The following CCSER1 variants were observed in gnomAD, a reference collection of about 807,000 sequenced individuals.
The protein encoded by CCSER1 is coiled-coil serine rich protein 1, also known as serine-rich coiled-coil domain-containing protein 1.
CCSER1 carries 41 observed loss-of-function variants against 82.0 expected under a neutral mutation model. That is an observed-to-expected ratio of 0.50 (90% CI 0.39 to 0.65). CCSER1 has a LOEUF of 0.65. CCSER1 is among the 30% of genes least tolerant of loss of function. CCSER1 has a pLI of 0.00. For missense variants in CCSER1, 1,119 were observed against 1,064.2 expected (o/e 1.05, Z -0.72); for synonymous variants, 414 against 383.9 (o/e 1.08, Z -0.92).
At chr4:91,546,140 A>G (rs980450707) in intron 10 of CCSER1, among the ~76,000 whole-genome samples, 1 of 152,140 alleles carries the variant, frequency 6.6e-6, no homozygotes, top group African/African-American at 2.4e-5. Context: ...ATCCCACTTA[A>G]TATGGTGTAT....
At chr4:91,081,537 A>C (rs1291121278) in intron 9 of CCSER1, among the ~76,000 whole-genome samples, 1 of 152,144 alleles carries the variant, frequency 6.6e-6, no homozygotes, top group African/African-American at 2.4e-5. Context: ...ACTCCTATTC[A>C]ACATAGTGTT....
intron 9 of CCSER1, among the ~76,000 whole-genome samples, chr4:90,934,628 T>A (rs1235373118): frequency 1.3e-5 from 2 of 152,064 alleles, no homozygotes; most frequent in Non-Finnish European, 2.9e-5. Context: ...AAGAAGATGC[T>A]ATTAAAAATT....
intron 10 of CCSER1, among the ~76,000 whole-genome samples, chr4:91,086,810 A>G (rs1723441737): frequency 6.6e-6 from 1 of 152,000 alleles, no homozygotes; most frequent in East Asian, 1.9e-4. Flanking sequence ...TTCCAGTTGC[A>G]TGATTTTAGT....
intron 10 of CCSER1, among the ~76,000 whole-genome samples, chr4:91,545,039 C>T (rs1761814325): frequency 6.6e-6 from 1 of 152,042 alleles, no homozygotes; most frequent in Non-Finnish European, 1.5e-5. Context: ...GGATGCCCCT[C>T]CCCCAGCCTC....
chr4:90,620,069 A>G (rs907015437), intron 5 of CCSER1, among the ~76,000 whole-genome samples: 6 of 152,168 alleles, frequency 3.9e-5, no homozygotes, highest in African/African-American at 1.4e-4. Context: ...ATTTTGGACA[A>G]AGTTAAAAAT....
chr4:90,133,097 T>C (rs1480667067), intron 1 of CCSER1, among the ~76,000 whole-genome samples: 1 of 152,168 alleles, frequency 6.6e-6, no homozygotes, highest in African/African-American at 2.4e-5. Context: ...TGAAAGCCAC[T>C]GACCTAGAGT....
intron 1 of CCSER1, among the ~76,000 whole-genome samples, chr4:90,187,131 G>T (rs993189223): frequency 1.3e-5 from 2 of 151,802 alleles, no homozygotes; most frequent in African/African-American, 4.8e-5. Context: ...ACATGACTCT[G>T]TGAGTATCCA....
chr4:91,559,365 C>T (rs879857572), intron 10 of CCSER1, among the ~76,000 whole-genome samples: 4 of 151,594 alleles, frequency 2.6e-5, no homozygotes, highest in African/African-American at 7.3e-5. Flanking sequence ...TGGCTCCACA[C>T]CTTCAGCTGT....
intron 1 of CCSER1, among the ~76,000 whole-genome samples, chr4:90,136,840 T>C (rs1048022548): frequency 1.3e-5 from 2 of 152,144 alleles, no homozygotes; most frequent in Non-Finnish European, 2.9e-5. Context: ...AAACCATGCA[T>C]ATATCCCAGA....
At chr4:90,395,366 T>C (rs1215552993) in intron 3 of CCSER1, among the ~76,000 whole-genome samples, 2 of 152,258 alleles carry the variant, frequency 1.3e-5, no homozygotes, top group Non-Finnish European at 2.9e-5. Context: ...TAGGCATTTA[T>C]ATTTCTTTTC....
intron 6 of CCSER1, chr4:90,663,873 A>C (rs1323217003): frequency 8.1e-6 from 3 of 369,498 alleles, no homozygotes; most frequent in Admixed American, 8.0e-5. Flanking sequence ...AGTGTTTCCA[A>C]TTCTACAAAT....
chr4:90,328,687 T>C (rs17227797), intron 3 of CCSER1, among the ~76,000 whole-genome samples: 98,717 of 151,910 alleles, frequency 0.65, 33,657 homozygotes, highest in African/African-American at 0.86. Flanking sequence ...GAGACACAGA[T>C]GTTGCCCACT....
At chr4:90,760,866 C>T (rs1246248810) in intron 7 of CCSER1, among the ~76,000 whole-genome samples, 1 of 151,932 alleles carries the variant, frequency 6.6e-6, no homozygotes, top group African/African-American at 2.4e-5. Context: ...TTGGCATATA[C>T]AGGGAGCAAA....
At chr4:90,801,581 T>C (rs1175034166) in intron 7 of CCSER1, among the ~76,000 whole-genome samples, 1 of 152,212 alleles carries the variant, frequency 6.6e-6, no homozygotes, top group Admixed American at 6.5e-5. Flanking sequence ...GAGACAATGC[T>C]ATTTCCTTAT....
At chr4:90,797,993 G>T (rs527941035) in intron 7 of CCSER1, among the ~76,000 whole-genome samples, 44 of 152,186 alleles carry the variant, frequency 2.9e-4, no homozygotes, top group Admixed American at 2.6e-3. Flanking sequence ...GTGGTTCTCT[G>T]CATTTTATGA....
At chr4:91,556,564 C>CA (rs1357869925) in intron 10 of CCSER1, among the ~76,000 whole-genome samples, 2 of 150,202 alleles carry the variant, frequency 1.3e-5, no homozygotes, top group Non-Finnish European at 1.5e-5. Context: ...TGAAAAAAGG[C>CA]AAAAAAATGA....
chr4:90,826,766 A>G (rs1191428965), intron 8 of CCSER1, among the ~76,000 whole-genome samples: 1 of 152,186 alleles, frequency 6.6e-6, no homozygotes, highest in East Asian at 1.9e-4. Context: ...TTACAAACAT[A>G]TTAGTGGTAT....
chr4:90,559,291 A>G (rs887989748), intron 5 of CCSER1, among the ~76,000 whole-genome samples: 6 of 152,228 alleles, frequency 3.9e-5, no homozygotes, highest in African/African-American at 1.4e-4. Context: ...CACATAGGAA[A>G]TTTCTTAGGA....
At chr4:90,490,562 A>G (rs1012969389) in intron 5 of CCSER1, among the ~76,000 whole-genome samples, 1 of 152,018 alleles carries the variant, frequency 6.6e-6, no homozygotes, top group Non-Finnish European at 1.5e-5. Flanking sequence ...TTTTGTTGCC[A>G]TTGCTTTTGG....
Sources: gnomAD v4.1 joint callset for allele counts (sites outside exome capture counted in the v4.1 genomes callset) on GRCh38, gnomAD v4.1.1 for gene constraint, MANE v1.5 for transcripts, NCBI Gene and HGNC (gene_info 2026-07-23, HGNC 2026-07-21) for gene names.